DMBT1: variants seen among roughly 807,000 people sequenced by gnomAD.
DMBT1 encodes scavenger receptor cysteine-rich domain-containing protein DMBT1.
Under a neutral mutation model 252.9 loss-of-function variants are expected in DMBT1, and 198 were observed. The observed-to-expected ratio is 0.78, with a 90% CI of 0.70 to 0.88. The LOEUF is 0.88. Among genes scored for constraint, DMBT1 ranks in the 40% least tolerant of loss-of-function variants. DMBT1 has a pLI of 0.00. For missense variants in DMBT1, 2,432 were observed against 2,404.7 expected, an observed-to-expected ratio of 1.01 and a Z score of -0.24; for synonymous variants, 990 against 942.7, an observed-to-expected ratio of 1.05 and a Z score of -0.92.
intron 26 of DMBT1, 144 bp from the exon 27 acceptor site, chr10:122,599,920 G>C (rs922524651): frequency 2.4e-6 from 3 of 1,238,420 alleles, no homozygotes; most frequent in Admixed American, 1.8e-5. Flanking sequence ...TCTCTGTGGG[G>C]ATGTGCATGG....
intron 2 of DMBT1, among the ~76,000 whole-genome samples, chr10:122,567,509 A>G (rs1383188294): frequency 1.3e-5 from 2 of 152,078 alleles, no homozygotes; most frequent in East Asian, 1.9e-4. Context: ...AGGAAAAGCA[A>G]CCTGCCCCCT....
intron 43 of DMBT1, among the ~76,000 whole-genome samples, chr10:122,620,810 A>G (rs2098059316): frequency 6.6e-6 from 1 of 152,234 alleles, no homozygotes; most frequent in Non-Finnish European, 1.5e-5. Context: ...TGAGGCGTCC[A>G]TTCCTGTCAC....
At chr10:122,628,052 C>A (rs28561856) in intron 46 of DMBT1, among the ~76,000 whole-genome samples, 8,783 of 152,182 alleles carry the variant, frequency 0.058, 330 homozygotes, top group East Asian at 0.14. Flanking sequence ...AAATTGGAAA[C>A]CTTATGCACG....
In DMBT1 at chr10:122,618,198, C is replaced by T. The variant is rs756691212; in HGVS notation, c.5073C>T (p.Ala1691=). The T allele has an allele frequency of 4.3e-6, 7 of 1,613,708 alleles. No individual in the cohort carries two copies. Among genetic ancestry groups the T allele is most frequent in the African/African-American group, 2.7e-5 (2 of 74,914 alleles). ...CGWAMSAPGN[A]QFGQGSGPIV... ...GGGCCATGTCAGCCCCAGGAAATGC[C>T]CAGTTTGGCCAGGGCTCAGGACCCA... Residue 1691 remains alanine, a synonymous_variant, in exon 41 of 56, where the codon GCC becomes GCT. Coordinates refer to ENST00000338354, the MANE Select transcript of DMBT1 (RefSeq NM_001377530.1).
chr10:122,620,975 G>A (rs2098061463), intron 43 of DMBT1, 82 bp from the exon 44 acceptor site: 13 of 1,587,978 alleles, frequency 8.2e-6, no homozygotes, highest in Non-Finnish European at 1.1e-5. Flanking sequence ...TGGCCATTAG[G>A]AAGTGCCCTG....
At chr10:122,572,128 G>A (rs542180839) in intron 4 of DMBT1, among the ~76,000 whole-genome samples, 186 bp from the exon 5 acceptor site, 8 of 152,286 alleles carry the variant, frequency 5.3e-5, no homozygotes, top group South Asian at 2.1e-4. Context: ...ATGCTTGTGC[G>A]GCACCTTGGC....
chr10:122,592,795 A>G (rs2097860056), intron 20 of DMBT1, among the ~76,000 whole-genome samples, 200 bp downstream of exon 20: 1 of 148,736 alleles, frequency 6.7e-6, no homozygotes, highest in South Asian at 2.3e-4. Context: ...GACAGGCCCC[A>G]AACTGAAACA....
At chr10:122,630,908 G>T in intron 48 of DMBT1, 53 bp from the exon 49 acceptor site, 1 of 1,537,200 alleles carries the variant, frequency 6.5e-7, no homozygotes, top group South Asian at 1.3e-5. Flanking sequence ...GGTTTGTTGT[G>T]GGACATTTGT....
At chr10:122,565,864 C>A in intron 1 of DMBT1, 103 bp from the exon 2 acceptor site, 2 of 1,099,290 alleles carry the variant, frequency 1.8e-6, no homozygotes, top group African/African-American at 1.5e-5. Flanking sequence ...TGAGCCACAG[C>A]GCCCTCTGGT....
chr10:122,630,114 G>A (rs942843975), intron 47 of DMBT1, 121 bp downstream of exon 47: 51 of 1,448,830 alleles, frequency 3.5e-5, no homozygotes, highest in Non-Finnish European at 4.5e-5. Flanking sequence ...GCTTTTGGTG[G>A]CTTTGATTCC....
chr10:122,580,959 C>T, intron 11 of DMBT1, 64 bp downstream of exon 11: 4 of 1,568,692 alleles, frequency 2.5e-6, no homozygotes, highest in Non-Finnish European at 2.6e-6. Context: ...CCCTTCCACA[C>T]TCCACAGAGC....
chr10:122,639,912 C>T, intron 54 of DMBT1, 128 bp from the exon 55 acceptor site: 1 of 1,144,678 alleles, frequency 8.7e-7, no homozygotes, highest in Non-Finnish European at 1.2e-6. Context: ...ATGGCCATCT[C>T]TGAGTGGTTC....
intron 41 of DMBT1, 33 bp from the exon 42 acceptor site, chr10:122,619,275 A>G (rs781373432): frequency 1.1e-5 from 18 of 1,613,798 alleles, no homozygotes; most frequent in Non-Finnish European, 1.4e-5. Flanking sequence ...TGTATAGTGC[A>G]TCTGATCTGA....
At chr10:122,635,555 T>C (rs2098219833) in intron 52 of DMBT1, among the ~76,000 whole-genome samples, 1 of 152,186 alleles carries the variant, frequency 6.6e-6, no homozygotes, top group Non-Finnish European at 1.5e-5. Context: ...TTTTTATTTT[T>C]CTTTTTATTT....
intron 44 of DMBT1, among the ~76,000 whole-genome samples, chr10:122,623,531 A>G (rs569192713): frequency 6.6e-6 from 1 of 152,346 alleles, no homozygotes; most frequent in East Asian, 1.9e-4. Flanking sequence ...GCAATGCCTG[A>G]GAATTCTGAT....
intron 16 of DMBT1, among the ~76,000 whole-genome samples, chr10:122,588,581 C>T (rs1393557230): frequency 6.7e-6 from 1 of 148,820 alleles, no homozygotes; most frequent in Admixed American, 6.6e-5. Flanking sequence ...TTGCCAGAAG[C>T]CAGGGAGGAC....
At chr10:122,631,490 C>T (rs933749570) in intron 49 of DMBT1, among the ~76,000 whole-genome samples, 2 of 152,214 alleles carry the variant, frequency 1.3e-5, no homozygotes, top group Non-Finnish European at 1.5e-5. Context: ...ACTCATCTGA[C>T]TAAAGGACCT....
chr10:122,631,751 G>C, intron 49 of DMBT1, 104 bp from the exon 50 acceptor site: 2 of 1,314,896 alleles, frequency 1.5e-6, no homozygotes, highest in Non-Finnish European at 2.2e-6. Flanking sequence ...CCCTCGCCGA[G>C]GGGGGTCAGG....
intron 14 of DMBT1, 124 bp from the exon 15 acceptor site, chr10:122,585,147 A>G (rs2097778537): frequency 1.6e-6 from 2 of 1,289,132 alleles, no homozygotes; most frequent in African/African-American, 2.8e-5. Context: ...ACACATGGGG[A>G]GCAAAGTGGC....
Sources: allele counts gnomAD v4.1 joint callset (sites outside exome capture counted in the v4.1 genomes callset), GRCh38; gene constraint gnomAD v4.1.1; transcripts MANE v1.5; gene names NCBI Gene and HGNC (gene_info 2026-07-23, HGNC 2026-07-21).